Variants in RBFOX1 observed in about 807,000 individuals in gnomAD.
RBFOX1 encodes RNA binding protein fox-1 homolog 1.
A neutral mutation model predicts 57.7 loss-of-function variants in RBFOX1; 8 were observed. That is an observed-to-expected ratio of 0.14 (90% confidence interval 0.08 to 0.25). The LOEUF (loss-of-function observed/expected upper bound fraction) is 0.25, where lower values mean the gene tolerates loss of function less well. Among genes scored for constraint, RBFOX1 ranks in the 10% least tolerant of loss-of-function variants. RBFOX1 has a pLI of 1.00. For missense variants in RBFOX1, 611 were observed against 548.5 expected, an observed-to-expected ratio of 1.11 and a Z score of -1.14; for synonymous variants, 326 against 222.4, an observed-to-expected ratio of 1.47 and a Z score of -4.15.
rs569432098 is a variant in RBFOX1 at position 6,970,395 on chromosome 16, T to A, written c.-15-81662T>A. Among the ~76,000 whole-genome samples, 23 of 152,314 alleles carry A rather than the reference T, an allele frequency of 1.5e-4. 1 individual carries two copies. In the South Asian group the frequency reaches 2.7e-3, roughly 18 times the overall value. On this transcript the variant is annotated intron_variant, in intron 3 of 15. Transcript: ENST00000550418. ...AAGACAGGTAGTGCAGTTCCCTTAA[T>A]GTTTCACTGACTTAGTCTGCTCAGG...
intron 1 of RBFOX1, among the ~76,000 whole-genome samples, chr16:6,050,985 T>C (rs1157717493): frequency 6.8e-6 from 1 of 147,982 alleles, no homozygotes; most frequent in Non-Finnish European, 1.5e-5. Flanking sequence ...CTTTGGTGGC[T>C]TTCTTACTAT....
chr16:6,947,960 A>G (rs953425704), intron 3 of RBFOX1, among the ~76,000 whole-genome samples: 1 of 151,896 alleles, frequency 6.6e-6, no homozygotes, highest in Non-Finnish European at 1.5e-5. Context: ...TATTTTTTAA[A>G]TAGAGACAGG....
intron 4 of RBFOX1, among the ~76,000 whole-genome samples, chr16:7,383,223 A>C (rs1455208489): frequency 2.6e-5 from 4 of 151,818 alleles, no homozygotes; most frequent in African/African-American, 7.3e-5. Context: ...AAAACATCTC[A>C]TGTATCCCAT....
chr16:7,710,307 T>C, intron 15 of RBFOX1: 1 of 1,170,182 alleles, frequency 8.5e-7, no homozygotes, highest in South Asian at 2.6e-5. Context: ...AAATTCAACC[T>C]CAAGTGCAGA....
rs556004952 is a variant in RBFOX1, at chr16:5,976,594, C to G, written c.351+109259C>G. ...CTTGAAAACAGTATTTGAGGCCAGG[C>G]ACAGTGGCTCATACCTGCAGTCCCA... is the stretch of plus-strand genomic sequence containing the variant. On this transcript the variant is annotated intron_variant, in intron 4 of 19. Coordinates refer to the RBFOX1 transcript ENST00000641259. 2.6e-5 allele frequency among the ~76,000 whole-genome samples: 4 copies of G among 152,276 alleles called. No individual in the cohort carries two copies. The South Asian group carries it at 8.3e-4, about 32-fold the overall frequency.
chr16:6,658,637 C>G (rs1944004677), intron 3 of RBFOX1, among the ~76,000 whole-genome samples: 2 of 151,992 alleles, frequency 1.3e-5, no homozygotes, highest in African/African-American at 4.8e-5. Context: ...TTTCTTTATC[C>G]CAGAAGCCTA....
At chr16:5,916,317 C>G (rs117682458) in intron 4 of RBFOX1, among the ~76,000 whole-genome samples, 1 of 152,060 alleles carries the variant, frequency 6.6e-6, no homozygotes, top group African/African-American at 2.4e-5. Flanking sequence ...TGGAGTTTGT[C>G]TTCTATTTGT....
chr16:5,262,127 G>A (rs2062750617), intron 1 of RBFOX1, among the ~76,000 whole-genome samples: 1 of 152,318 alleles, frequency 6.6e-6, no homozygotes, highest in South Asian at 2.1e-4. Context: ...GGGGTTAGCA[G>A]GGAAGGCTTA....
At chr16:7,356,724 C>T (rs114639452) in intron 4 of RBFOX1, among the ~76,000 whole-genome samples, 4 of 152,144 alleles carry the variant, frequency 2.6e-5, no homozygotes, top group South Asian at 2.1e-4. Context: ...AAGACAAATA[C>T]GTTAAAGAAG....
intron 5 of RBFOX1, among the ~76,000 whole-genome samples, chr16:7,544,750 C>T (rs900546887): frequency 6.6e-6 from 1 of 152,122 alleles, no homozygotes; most frequent in African/African-American, 2.4e-5. Flanking sequence ...TATGGCAGTC[C>T]TAGGAAAGTA....
At chr16:5,460,844 T>C (rs1195364954) in intron 1 of RBFOX1, among the ~76,000 whole-genome samples, 2 of 152,192 alleles carry the variant, frequency 1.3e-5, no homozygotes, top group East Asian at 1.9e-4. Flanking sequence ...CTAATCCCAT[T>C]GCAGGAGCGG....
At chr16:6,073,152 G>A (rs940345879) in intron 1 of RBFOX1, among the ~76,000 whole-genome samples, 1 of 152,018 alleles carries the variant, frequency 6.6e-6, no homozygotes, top group Non-Finnish European at 1.5e-5. Flanking sequence ...TATCTAATGG[G>A]GGTTGGCCAC....
chr16:6,630,858 C>T (rs971490256), intron 2 of RBFOX1, among the ~76,000 whole-genome samples: 6 of 152,042 alleles, frequency 3.9e-5, no homozygotes, highest in Admixed American at 2.6e-4. Flanking sequence ...GTCCTCAAAC[C>T]CCAAGGACCA....
chr16:5,252,511 T>C (rs2062478306), intron 1 of RBFOX1, among the ~76,000 whole-genome samples: 1 of 152,278 alleles, frequency 6.6e-6, no homozygotes, highest in East Asian at 1.9e-4. Context: ...TCTCCAGGTG[T>C]CTGTAGGTGC....
At chr16:7,358,305 G>T (rs1192455602) in intron 4 of RBFOX1, among the ~76,000 whole-genome samples, 1 of 152,158 alleles carries the variant, frequency 6.6e-6, no homozygotes, top group East Asian at 1.9e-4. Context: ...AGGTGACAGT[G>T]GCATCAGAGC....
At chr16:6,693,251 T>TCATCAC in intron 3 of RBFOX1, among the ~76,000 whole-genome samples, 1 of 151,174 alleles carries the variant, frequency 6.6e-6, no homozygotes, top group Admixed American at 6.6e-5. Flanking sequence ...ACCACCATCA[T>TCATCAC]CATCATCCTC....
At chr16:6,503,012 T>TG (rs901199932) in intron 2 of RBFOX1, among the ~76,000 whole-genome samples, 16 of 151,948 alleles carry the variant, frequency 1.1e-4, no homozygotes, top group African/African-American at 3.9e-4. Flanking sequence ...GATAGATAAA[T>TG]GGGGAAAAGG....
At chr16:5,362,386 G>T (rs1190736921) in intron 1 of RBFOX1, among the ~76,000 whole-genome samples, 1 of 151,102 alleles carries the variant, frequency 6.6e-6, no homozygotes, top group Non-Finnish European at 1.5e-5. Flanking sequence ...TTTTGAGACA[G>T]AGTTTCGCTC....
chr16:5,593,846 G>T (rs181217153), intron 2 of RBFOX1, among the ~76,000 whole-genome samples: 1 of 151,976 alleles, frequency 6.6e-6, no homozygotes, highest in South Asian at 2.1e-4. Context: ...TTTCTTGCGC[G>T]AGATCCAAGA....
Sources: allele counts gnomAD v4.1 joint callset (sites outside exome capture counted in the v4.1 genomes callset), GRCh38; gene constraint gnomAD v4.1.1; transcripts MANE v1.5; gene names NCBI Gene and HGNC (gene_info 2026-07-23, HGNC 2026-07-21).